KCNH7: variants seen among roughly 807,000 people sequenced by gnomAD.
The protein encoded by KCNH7 is potassium voltage-gated channel subfamily H member 7.
Under a neutral mutation model 120.8 loss-of-function variants are expected in KCNH7, and 49 were observed. That is an observed-to-expected ratio of 0.41 (90% CI 0.32 to 0.51). The LOEUF (loss-of-function observed/expected upper bound fraction) is 0.51, where lower values mean the gene tolerates loss of function less well. Among genes scored for constraint, KCNH7 ranks in the 20% least tolerant of loss-of-function variants. The pLI, the probability that KCNH7 is intolerant of heterozygous loss-of-function variation, is 0.38. For synonymous variants in KCNH7, 547 were observed against 516.1 expected (o/e 1.06, Z -0.81); for missense variants, 1,097 against 1,446.6 (o/e 0.76, Z 3.92).
intron 3 of KCNH7, among the ~76,000 whole-genome samples, chr2:162,526,093 G>C (rs1188330075): frequency 6.6e-6 from 1 of 151,480 alleles, no homozygotes; most frequent in Non-Finnish European, 1.5e-5. Context: ...TGGGTGTCCA[G>C]GGGAGACATC....
chr2:162,769,378 T>G (rs575161841), intron 2 of KCNH7, among the ~76,000 whole-genome samples: 21 of 152,284 alleles, frequency 1.4e-4, no homozygotes, highest in Non-Finnish European at 2.5e-4. Context: ...TTAATTCCTC[T>G]AATTAGAGCT....
At chr2:162,665,820 C>T (rs746371447) in intron 2 of KCNH7, among the ~76,000 whole-genome samples, 5 of 152,018 alleles carry the variant, frequency 3.3e-5, no homozygotes, top group Non-Finnish European at 7.4e-5. Context: ...GAGTCATCTT[C>T]GCTTCTTTGC....
chr2:162,482,580 G>T (rs1031385659), intron 6 of KCNH7, among the ~76,000 whole-genome samples: 3 of 152,158 alleles, frequency 2.0e-5, no homozygotes, highest in Non-Finnish European at 4.4e-5. Flanking sequence ...GGGAATAGCT[G>T]TTGCAAACAA....
intron 6 of KCNH7, among the ~76,000 whole-genome samples, chr2:162,498,801 C>T (rs1404375325): frequency 6.6e-6 from 1 of 152,106 alleles, no homozygotes; most frequent in Non-Finnish European, 1.5e-5. Flanking sequence ...GTCTGAGGAA[C>T]TTGCTGCTAT....
rs1224337327 is a variant in KCNH7 at position 162,394,985 on chromosome 2, G to C, written c.2614-500C>G. 2.0e-5 allele frequency among the ~76,000 whole-genome samples: 3 copies of C among 151,802 alleles called. No homozygotes were observed. The Middle Eastern group carries it at 0.01, about 516-fold the overall frequency. ...AAGATGATGAGATGATGATCTTTAT[G>C]ATAATCTACTCCCACTTAATTAATG... On this transcript the variant is annotated intron_variant, in intron 11 of 15. Transcript: ENST00000332142.
At chr2:162,540,933 G>A (rs1367160471) in intron 2 of KCNH7, among the ~76,000 whole-genome samples, 4 of 152,084 alleles carry the variant, frequency 2.6e-5, no homozygotes, top group Non-Finnish European at 4.4e-5. Flanking sequence ...GTGGTAATGA[G>A]GGGTCTGTTT....
chr2:162,744,980 A>G (rs144449309), intron 2 of KCNH7, among the ~76,000 whole-genome samples: 1 of 152,318 alleles, frequency 6.6e-6, no homozygotes, highest in Non-Finnish European at 1.5e-5. Context: ...GTTCCCACAT[A>G]CAAGTAAACA....
chr2:162,770,741 G>T (rs1683018395), intron 2 of KCNH7, among the ~76,000 whole-genome samples: 1 of 151,908 alleles, frequency 6.6e-6, no homozygotes, highest in African/African-American at 2.4e-5. Context: ...TTATCAATAT[G>T]TTGAAGACAT....
At chr2:162,835,181 T>A (rs1271576154) in intron 2 of KCNH7, among the ~76,000 whole-genome samples, 1 of 152,054 alleles carries the variant, frequency 6.6e-6, no homozygotes, top group Non-Finnish European at 1.5e-5. Context: ...TTAAAAACAA[T>A]TTCTATCTGT....
intron 2 of KCNH7, among the ~76,000 whole-genome samples, chr2:162,716,708 A>G (rs879614968): frequency 2.6e-5 from 4 of 152,142 alleles, no homozygotes; most frequent in Non-Finnish European, 5.9e-5. Flanking sequence ...ATTTTATGCT[A>G]TAAGTTTATG....
At chr2:162,629,259 T>C (rs1683673762) in intron 2 of KCNH7, among the ~76,000 whole-genome samples, 1 of 152,110 alleles carries the variant, frequency 6.6e-6, no homozygotes, top group Non-Finnish European at 1.5e-5. Context: ...TGAGGCATTT[T>C]AGTTGAAACT....
At chr2:162,709,638 C>T (rs916633848) in intron 2 of KCNH7, among the ~76,000 whole-genome samples, 2 of 152,058 alleles carry the variant, frequency 1.3e-5, no homozygotes, top group African/African-American at 4.8e-5. Context: ...AATTTTACTC[C>T]AACCAAACAG....
At chr2:162,590,593 A>C (rs1274297306) in intron 2 of KCNH7, among the ~76,000 whole-genome samples, 1 of 152,152 alleles carries the variant, frequency 6.6e-6, no homozygotes, top group African/African-American at 2.4e-5. Flanking sequence ...CCTCATGCTC[A>C]AGACAAATAC....
At chr2:162,689,065 A>T (rs192686935) in intron 2 of KCNH7, among the ~76,000 whole-genome samples, 1 of 152,200 alleles carries the variant, frequency 6.6e-6, no homozygotes, top group Non-Finnish European at 1.5e-5. Context: ...TACATCTTCA[A>T]TAAATAGTAT....
chr2:162,428,959 T>G (rs1470412354), intron 8 of KCNH7, among the ~76,000 whole-genome samples: 1 of 152,018 alleles, frequency 6.6e-6, no homozygotes, highest in East Asian at 1.9e-4. Context: ...TTTCTCCATT[T>G]CAATGAAAGC....
intron 2 of KCNH7, among the ~76,000 whole-genome samples, chr2:162,587,851 C>G (rs546696412): frequency 1.3e-5 from 2 of 152,164 alleles, no homozygotes; most frequent in Admixed American, 6.5e-5. Flanking sequence ...TCATTTAGCT[C>G]TCTGTTTTCT....
At chr2:162,624,742 C>A (rs899703915) in intron 2 of KCNH7, among the ~76,000 whole-genome samples, 13 of 152,044 alleles carry the variant, frequency 8.6e-5, no homozygotes, top group African/African-American at 3.1e-4. Flanking sequence ...TACATGATAG[C>A]CCAGTTATCT....
At chr2:162,679,756 C>A (rs1685651522) in intron 2 of KCNH7, among the ~76,000 whole-genome samples, 1 of 151,628 alleles carries the variant, frequency 6.6e-6, no homozygotes. Context: ...CAGGGTTCAG[C>A]TTTGTGTTAA....
chr2:162,672,362 A>C (rs1288521274), intron 2 of KCNH7, among the ~76,000 whole-genome samples: 1 of 152,072 alleles, frequency 6.6e-6, no homozygotes, highest in Non-Finnish European at 1.5e-5. Flanking sequence ...AACAACTTGA[A>C]GATGATCAAA....
Sources: gnomAD v4.1 joint callset for allele counts (sites outside exome capture counted in the v4.1 genomes callset) on GRCh38, gnomAD v4.1.1 for gene constraint, MANE v1.5 for transcripts, NCBI Gene and HGNC (gene_info 2026-07-23, HGNC 2026-07-21) for gene names.